The following FBXO27 variants were observed in gnomAD, a reference collection of about 807,000 sequenced individuals.
FBXO27 encodes F-box only protein 27.
In FBXO27, 28 loss-of-function variants were observed where a neutral mutation model predicts 28.3. The observed-to-expected ratio is 0.99, with a 90% CI of 0.73 to 1.36. The LOEUF (loss-of-function observed/expected upper bound fraction) is 1.36. Ranked by LOEUF, FBXO27 falls within the 40% of genes most tolerant of loss-of-function variation. The probability of loss-of-function intolerance (pLI) is 0.00; values close to 1 mark genes in which losing one functional copy is unlikely to be tolerated. For missense variants in FBXO27, 388 were observed against 394.1 expected (o/e 0.98, Z 0.13); for synonymous variants, 175 against 167.3 (o/e 1.05, Z -0.36).
chr19:39,019,424 C>CAAAAAA (rs566451562), downstream of FBXO27, among the ~76,000 whole-genome samples: 1 of 35,418 alleles, frequency 2.8e-5, no homozygotes, highest in Admixed American at 4.8e-4. Context: ...GACTCTGTCT[C>CAAAAAA]AAAAAAAAAA....
chr19:39,029,665 T>A (rs577390153), intron 4 of FBXO27, among the ~76,000 whole-genome samples: 25 of 152,226 alleles, frequency 1.6e-4, no homozygotes, highest in African/African-American at 5.1e-4. Flanking sequence ...ATGGCTGTAG[T>A]GGACCTGGAA....
chr19:39,007,917 G>A (rs1184918636), intron 2 of FBXO27, among the ~76,000 whole-genome samples: 2 of 152,082 alleles, frequency 1.3e-5, no homozygotes, highest in African/African-American at 4.8e-5. Flanking sequence ...CTCCCAAAGT[G>A]CTGGGATTAT....
downstream of FBXO27, among the ~76,000 whole-genome samples, chr19:39,021,796 G>A (rs2144892752): frequency 2.0e-5 from 3 of 152,108 alleles, no homozygotes; most frequent in East Asian, 3.9e-4. Flanking sequence ...CCGAGTAGCT[G>A]GGATTACAGG....
At chr19:39,016,167 G>A (rs1432711905) in intron 1 of FBXO27, among the ~76,000 whole-genome samples, 1 of 152,146 alleles carries the variant, frequency 6.6e-6, no homozygotes, top group African/African-American at 2.4e-5. Flanking sequence ...GACTTTTAGG[G>A]CAGTGAAACT....
intron 2 of FBXO27, chr19:39,031,535 C>T: frequency 1.6e-6 from 1 of 619,322 alleles, no homozygotes; most frequent in Non-Finnish European, 2.8e-6. Flanking sequence ...CCTGCCCCTC[C>T]AACCCCTCTC....
chr19:39,022,598 C>T (rs575946315), downstream of FBXO27, among the ~76,000 whole-genome samples: 3 of 151,934 alleles, frequency 2.0e-5, no homozygotes, highest in East Asian at 5.8e-4. Flanking sequence ...AGACGTGTGC[C>T]TCCATGCCTG....
Position 39,025,411 on chromosome 19 carries a change from C to A in FBXO27, c.852G>T (p.Ter284TyrextTer26). 2 of 1,612,842 alleles carry A rather than the reference C, an allele frequency of 1.2e-6. No homozygotes were observed. Among genetic ancestry groups the A allele is most frequent in the East Asian group, 2.2e-5 (1 of 44,850 alleles). ...GTCTTGCAAGAAGGGTAGTGCTGGA[C>A]TAGGACAGACGGACTCGCACGATCA... ...SSVIVRVRLS* is the reference protein window; with the variant it reads ...SSVIVRVRLSY The change falls in exon 6 of 6, where the codon TAG becomes TAT. Residue 284 changes from the stop codon to tyrosine (Y), a stop_lost. Coordinates refer to ENST00000292853, the MANE Select transcript of FBXO27 (RefSeq NM_178820.5).
intron 1 of FBXO27, among the ~76,000 whole-genome samples, chr19:39,018,036 C>T (rs1278483296): frequency 6.6e-6 from 1 of 152,126 alleles, no homozygotes; most frequent in South Asian, 2.1e-4. Flanking sequence ...GGCTGGAGTG[C>T]GATGGTGCGA....
intron 2 of FBXO27, among the ~76,000 whole-genome samples, chr19:39,006,841 G>A (rs1485865897): frequency 6.6e-6 from 1 of 151,568 alleles, no homozygotes; most frequent in East Asian, 2.0e-4. Context: ...TACTTTGGGA[G>A]GGTAAGGCGG....
At chr19:39,014,724 TAAAAA>T (rs2072811536) in intron 1 of FBXO27, among the ~76,000 whole-genome samples, 4 of 151,088 alleles carry the variant, frequency 2.6e-5, no homozygotes, top group African/African-American at 7.3e-5. Flanking sequence ...AGACCCTGTC[TAAAAA>T]CAAAAAAACA....
At position 39,031,221 on chromosome 19, in the gene FBXO27, A is replaced by G. The variant is rs553352586; in HGVS notation, c.464T>C (p.Val155Ala). 74 of 1,614,104 alleles carry G rather than the reference A, an allele frequency of 4.6e-5. No individual in the cohort carries two copies. The Admixed American group carries it at 6.5e-4, about 14-fold the overall frequency. ...CAGGGGCATTCACCTGAATGAAGTC[A>G]CGAAGCACGTCTGAGAAGGGGCCCC... ...VPGAPSQTCF[V>A]TSFSWCCKKQ... The change falls in exon 3 of 6, where the codon GTG becomes GCG. Residue 155 changes from valine (V) to alanine (A), a missense_variant. Transcript: ENST00000292853.
rs138476628 is a variant in FBXO27 at position 39,016,505 on chromosome 19, A to G, written c.92-1958T>C. On this transcript the variant is annotated intron_variant, in intron 1 of 2. Coordinates refer to the FBXO27 transcript ENST00000598394. ...GGTGGCTCACGCCTGTAATCCTAGC[A>G]CTTTGGGAGGCTGAAGTGGGAAGAT... 5.7e-4 allele frequency among the ~76,000 whole-genome samples: 86 copies of G among 150,622 alleles called. No individual in the cohort carries two copies. In the Middle Eastern group the frequency reaches 0.014, roughly 24 times the overall value.
chr19:39,009,753 C>T (rs1055028421), intron 2 of FBXO27, among the ~76,000 whole-genome samples: 8 of 152,028 alleles, frequency 5.3e-5, no homozygotes, highest in East Asian at 3.9e-4. Flanking sequence ...GTTGTCTTTT[C>T]ATTATTTGGT....
intron 4 of FBXO27, among the ~76,000 whole-genome samples, chr19:39,027,767 G>C (rs963523984): frequency 6.6e-6 from 1 of 151,890 alleles, no homozygotes. Flanking sequence ...TCCTGCCTCC[G>C]CCTCCCAAAG....
chr19:39,005,935 ACCACT>A (rs1291191410), intron 2 of FBXO27, among the ~76,000 whole-genome samples: 9 of 152,368 alleles, frequency 5.9e-5, no homozygotes, highest in African/African-American at 1.9e-4. Flanking sequence ...GTTGGCTGAC[ACCACT>A]TTAAATCAAG....
intron 2 of FBXO27, among the ~76,000 whole-genome samples, chr19:39,007,057 C>CAAAAAAAAAAA (rs34457510): frequency 1.7e-5 from 1 of 57,624 alleles, no homozygotes; most frequent in Non-Finnish European, 2.9e-5. Flanking sequence ...TGGGTGTCTC[C>CAAAAAAAAAAA]AAAAAAAAAA....
chr19:39,031,023 A>G lies in FBXO27; in HGVS notation c.572+6T>C. ...AGCAAGGGGCTATTTTAATCGTCAC[A>G]CTCACCAGTCAGAGACACAAATCTC... On this transcript the variant is annotated splice_donor_region_variant and intron_variant, in intron 4 of 5. Coordinates refer to ENST00000292853, the MANE Select transcript of FBXO27 (RefSeq NM_178820.5). 6.2e-7 allele frequency: 1 copy of G among 1,612,868 alleles called. No homozygotes were observed. Among genetic ancestry groups the G allele is most frequent in the Middle Eastern group, 1.7e-4 (1 of 6,058 alleles).
intron 4 of FBXO27, 69 bp from the exon 5 acceptor site, chr19:39,027,074 C>G: frequency 6.3e-7 from 1 of 1,590,050 alleles, no homozygotes; most frequent in African/African-American, 1.3e-5. Flanking sequence ...CCTACCTTGT[C>G]CGAATGCCCT....
At chr19:39,031,824 T>G (rs1169953052) in intron 2 of FBXO27, 40 bp downstream of exon 2, 1 of 1,442,150 alleles carries the variant, frequency 6.9e-7, no homozygotes. Flanking sequence ...CCGCTCCCAC[T>G]GTGGCCCAGC....
Sources: allele counts gnomAD v4.1 joint callset (sites outside exome capture counted in the v4.1 genomes callset), GRCh38; gene constraint gnomAD v4.1.1; transcripts MANE v1.5; gene names NCBI Gene and HGNC (gene_info 2026-07-23, HGNC 2026-07-21).